The following CHD2 variants were observed in gnomAD, a reference collection of about 807,000 sequenced individuals.
CHD2 encodes ATP-dependent chromatin remodeler CHD2.
A neutral mutation model predicts 243.9 loss-of-function variants in CHD2; 28 were observed. That is an observed-to-expected ratio of 0.11 (90% confidence interval 0.09 to 0.16). The LOEUF (loss-of-function observed/expected upper bound fraction) is 0.16. Among genes scored for constraint, CHD2 ranks in the 10% least tolerant of loss-of-function variants. The probability of loss-of-function intolerance (pLI) is 1.00; values close to 1 mark genes in which losing one functional copy is unlikely to be tolerated. For missense variants in CHD2, 1,386 were observed against 2,209.8 expected (o/e 0.63, Z 7.47); for synonymous variants, 775 against 779.0 (o/e 0.99, Z 0.09).
chr15:92,909,962 G>A (rs1358837109), intron 2 of CHD2, among the ~76,000 whole-genome samples: 1 of 100,428 alleles, frequency 1.0e-5, no homozygotes, highest in African/African-American at 3.4e-5. Flanking sequence ...GTGTGTGTGT[G>A]TGTGTGTATG....
chr15:92,969,226 C>G (rs1046944190), intron 17 of CHD2, among the ~76,000 whole-genome samples: 2 of 152,172 alleles, frequency 1.3e-5, no homozygotes, highest in Admixed American at 1.3e-4. Flanking sequence ...GAGTTTTTAT[C>G]ACTTGCAATT....
intron 16 of CHD2, among the ~76,000 whole-genome samples, chr15:92,963,505 T>C (rs955699634): frequency 1.3e-5 from 2 of 152,228 alleles, no homozygotes; most frequent in Non-Finnish European, 2.9e-5. Context: ...TCCACAGGTT[T>C]GTCTTTTAAG....
rs1332024370 is a variant in CHD2, at chr15:92,998,696, G to A, written c.4008+75G>A. 23 of 1,549,422 alleles carry A rather than the reference G, an allele frequency of 1.5e-5. No individual in the cohort carries two copies. The highest frequency in any genetic ancestry group is 1.9e-5 in the Non-Finnish European group (22 of 1,140,166). On this transcript the variant is annotated intron_variant, in intron 31 of 38. Transcript: ENST00000394196. The surrounding 1 kb of genome is among the most constrained non-coding windows in gnomAD (Gnocchi z 5.1). Reference sequence around the variant, plus strand: ...CTGCAGAATTAGGTAGGAAGAGAGAGGCCCTCTCTGAGCACTGCACAGAAT... The same window carrying A: ...CTGCAGAATTAGGTAGGAAGAGAGAAGCCCTCTCTGAGCACTGCACAGAAT...
At chr15:92,902,454 T>C in intron 2 of CHD2, 1 of 321,490 alleles carries the variant, frequency 3.1e-6, no homozygotes, top group Non-Finnish European at 5.6e-6. Flanking sequence ...ACTTTTCTAA[T>C]TTTTATAAAT....
At chr15:92,991,186 A>G (rs956761282) in intron 26 of CHD2, among the ~76,000 whole-genome samples, 1 of 152,202 alleles carries the variant, frequency 6.6e-6, no homozygotes, top group African/African-American at 2.4e-5. Context: ...TCTAAAAAGG[A>G]TATTAGAGCT....
intron 16 of CHD2, among the ~76,000 whole-genome samples, chr15:92,963,328 G>T (rs2053714257): frequency 6.6e-6 from 1 of 151,316 alleles, no homozygotes; most frequent in Non-Finnish European, 1.5e-5. Flanking sequence ...TTAATTTTTT[G>T]CTATTAAAAA....
chr15:92,991,384 A>G (rs910158928), intron 26 of CHD2, 92 bp from the exon 27 acceptor site: 63 of 840,520 alleles, frequency 7.5e-5, no homozygotes, highest in Middle Eastern at 2.3e-4. Context: ...GACAATTTGC[A>G]TGGCTCATAT....
At chr15:93,020,499 G>C (rs1479034476) in intron 38 of CHD2, 1 of 608,478 alleles carries the variant, frequency 1.6e-6, no homozygotes, top group Admixed American at 3.0e-5. Flanking sequence ...AGGAAATCTA[G>C]TGAAGAGGTC....
At chr15:92,909,138 A>C (rs1194494013) in intron 2 of CHD2, among the ~76,000 whole-genome samples, 1 of 151,966 alleles carries the variant, frequency 6.6e-6, no homozygotes, top group East Asian at 1.9e-4. Context: ...AAAAGATAAA[A>C]AATGTATATG....
intron 19 of CHD2, among the ~76,000 whole-genome samples, chr15:92,974,474 G>A (rs2053881905): frequency 6.6e-6 from 1 of 152,282 alleles, no homozygotes; most frequent in South Asian, 2.1e-4. Flanking sequence ...AGCCACATTA[G>A]CTAAGAAGCA....
intron 26 of CHD2, among the ~76,000 whole-genome samples, chr15:92,986,208 A>G (rs1199649703): frequency 6.6e-6 from 1 of 152,170 alleles, no homozygotes; most frequent in South Asian, 2.1e-4. Context: ...GTGAGTGATT[A>G]CTATACATTT....
At chr15:92,910,526 G>T (rs2052712875) in intron 2 of CHD2, among the ~76,000 whole-genome samples, 1 of 151,980 alleles carries the variant, frequency 6.6e-6, no homozygotes, top group African/African-American at 2.4e-5. Flanking sequence ...CCGAGTGGTT[G>T]GGATCACAGG....
At chr15:92,980,942 T>C (rs759595907) in intron 23 of CHD2, 31 bp downstream of exon 23, 1 of 1,472,038 alleles carries the variant, frequency 6.8e-7, no homozygotes, top group Non-Finnish European at 9.5e-7. Flanking sequence ...GGAAATTTTT[T>C]TGAGAAGTAT....
At chr15:92,921,601 G>C (rs1303061675) in intron 2 of CHD2, 1 of 152,184 alleles carries the variant, frequency 6.6e-6, no homozygotes, top group African/African-American at 2.4e-5. Flanking sequence ...ATAAATTCCA[G>C]CTAGTGTCAT....
Position 92,941,925 on chromosome 15 carries a change from G to A in CHD2, c.796G>A (p.Val266Ile), listed in dbSNP as rs753462875. ...QQDNSETIEK[V>I]LDSRLGKKGA... ...AGATAATAGTGAAACTATTGAAAAG[G>A]TCTTAGATTCAAGACTGGGAAAGAA... Residue 266 changes from valine to isoleucine, a missense_variant, in exon 8 of 39, where the codon GTC (valine) becomes ATC (isoleucine). Physicochemically the swap from Val to Ile is conservative, Grantham distance 29. Transcript: ENST00000394196. 1 of 1,613,228 alleles carries A rather than the reference G, an allele frequency of 6.2e-7. No individual in the cohort carries two copies. The highest frequency in any genetic ancestry group is 8.5e-7 in the Non-Finnish European group (1 of 1,179,596).
At chr15:92,933,278 ATTAG>A (rs1020098320) in intron 5 of CHD2, among the ~76,000 whole-genome samples, 4 of 152,234 alleles carry the variant, frequency 2.6e-5, no homozygotes, top group Admixed American at 6.5e-5. Flanking sequence ...ATATTTTTAA[ATTAG>A]TTAGCATCAT....
At chr15:92,994,135 G>A (rs1417461192) in intron 28 of CHD2, among the ~76,000 whole-genome samples, 1 of 152,084 alleles carries the variant, frequency 6.6e-6, no homozygotes, top group East Asian at 1.9e-4. Flanking sequence ...AAATCTTCAG[G>A]CTCCAGAGAA....
At chr15:92,923,953 A>T (rs1301574805) in intron 2 of CHD2, among the ~76,000 whole-genome samples, 1 of 152,060 alleles carries the variant, frequency 6.6e-6, no homozygotes, top group African/African-American at 2.4e-5. Flanking sequence ...ATTCATATAT[A>T]TCTGGTTTCA....
chr15:92,901,305 AGC>A lies in CHD2; in HGVS notation c.62+7_62+8del, dbSNP rs780490876. ...CTACACAGCAATGCATCGAGGTATG[AGC>A]TATCAACTTTCTTCCTTTTTGTCTT... is the stretch of plus-strand genomic sequence containing the variant. On this transcript the variant is annotated splice_region_variant and intron_variant, in intron 2 of 38. Transcript: ENST00000394196. 4.4e-6 allele frequency: 7 copies of A among 1,589,424 alleles called. No homozygotes were observed. Among genetic ancestry groups the A allele is most frequent in the Non-Finnish European group, 6.0e-6 (7 of 1,159,398 alleles).
Sources: gnomAD v4.1 joint callset for allele counts (sites outside exome capture counted in the v4.1 genomes callset) on GRCh38, gnomAD v4.1.1 for gene constraint, Gnocchi (gnomAD v3.1) non-coding constraint, MANE v1.5 for transcripts, NCBI Gene and HGNC (gene_info 2026-07-23, HGNC 2026-07-21) for gene names.